The following SLC25A51 variants were observed in gnomAD, a reference collection of about 807,000 sequenced individuals.
The protein encoded by SLC25A51 is solute carrier family 25 member 51, also known as mitochondrial nicotinamide adenine dinucleotide transporter SLC25A51.
Under a neutral mutation model 19.1 loss-of-function variants are expected in SLC25A51, and 11 were observed. The observed-to-expected ratio is 0.58, with a 90% CI of 0.36 to 0.96. The LOEUF (loss-of-function observed/expected upper bound fraction) is 0.96. Ranked by LOEUF, SLC25A51 falls within the 40% of genes least tolerant of loss-of-function variation. The pLI is 0.01. For missense variants in SLC25A51, 201 were observed against 365.4 expected (o/e 0.55, Z 3.67); for synonymous variants, 105 against 133.6 (o/e 0.79, Z 1.47).
chr9:37,902,689 T>G (rs894989670), intron 1 of SLC25A51, among the ~76,000 whole-genome samples: 5 of 152,258 alleles, frequency 3.3e-5, no homozygotes, highest in African/African-American at 1.2e-4. Context: ...TACCATAACT[T>G]TACGCTTGTT....
intron 2 of SLC25A51, among the ~76,000 whole-genome samples, chr9:37,893,521 A>C (rs1831643683): frequency 2.6e-5 from 4 of 152,238 alleles, no homozygotes. Flanking sequence ...GTCAGAGCTC[A>C]AACCTTTCAC....
downstream of SLC25A51, chr9:37,885,875 C>T (rs1355267783): frequency 2.5e-6 from 4 of 1,588,032 alleles, no homozygotes; most frequent in African/African-American, 1.4e-5. Flanking sequence ...TGATGACGTG[C>T]AAACCCCCCC....
downstream of SLC25A51, among the ~76,000 whole-genome samples, chr9:37,885,360 A>C (rs1320015641): frequency 3.0e-4 from 45 of 151,808 alleles, no homozygotes; most frequent in East Asian, 9.6e-4. Flanking sequence ...AAAAAAAAAA[A>C]AAAAAAAACC....
At chr9:37,886,286 C>T (rs527999067), downstream of SLC25A51, 14 of 1,613,692 alleles carry the variant, frequency 8.7e-6, no homozygotes, top group Middle Eastern at 1.7e-4. Context: ...GCTATACCAG[C>T]GGGCCAAGAA....
At chr9:37,886,099 T>A (rs1167018766), downstream of SLC25A51, 1 of 1,498,538 alleles carries the variant, frequency 6.7e-7, no homozygotes, top group East Asian at 2.3e-5. Context: ...GACGCTATAC[T>A]GATGTTAGTA....
chr9:37,900,179 G>A (rs810246), intron 1 of SLC25A51, among the ~76,000 whole-genome samples: 1 of 151,172 alleles, frequency 6.6e-6, no homozygotes, highest in South Asian at 2.1e-4. Flanking sequence ...AGGTGTGGTG[G>A]CTCACGCCTG....
chr9:37,903,717 C>G (rs1244618484), intron 1 of SLC25A51: 1 of 152,310 alleles, frequency 6.6e-6, no homozygotes, highest in African/African-American at 2.4e-5. Context: ...GCGCAGGCAG[C>G]TCCCGGCTCC....
chr9:37,888,733 A>T (rs551401512), intron 2 of SLC25A51, 141 bp from the exon 3 acceptor site: 1 of 707,382 alleles, frequency 1.4e-6, no homozygotes, highest in African/African-American at 1.8e-5. Context: ...GCATTTTCAG[A>T]AGACCCCTGG....
intron 2 of SLC25A51, among the ~76,000 whole-genome samples, chr9:37,898,868 A>G (rs1049912680): frequency 6.6e-6 from 1 of 152,222 alleles, no homozygotes; most frequent in African/African-American, 2.4e-5. Flanking sequence ...CCCACCGCCA[A>G]TAACTCAAGA....
downstream of SLC25A51, among the ~76,000 whole-genome samples, chr9:37,883,208 T>C (rs1000688811): frequency 7.9e-5 from 12 of 152,238 alleles, no homozygotes; most frequent in Non-Finnish European, 1.5e-4. Context: ...TTAGAATCTC[T>C]TATTAACAAC....
Position 37,887,848 on chromosome 9 carries a change from C to T in SLC25A51, c.703G>A (p.Val235Ile), listed in dbSNP as rs1831496651. The change falls in exon 3 of 3, where the codon GTA (valine) becomes ATA (isoleucine). Residue 235 changes from valine (V) to isoleucine (I), a missense_variant. Physicochemically the swap from Val to Ile is conservative, Grantham distance 29. Coordinates refer to ENST00000242275, the MANE Select transcript of SLC25A51 (RefSeq NM_033412.4). ...LGFLFFPINV[V>I]KTRIQSQIGG... is the part of the protein sequence containing the mutation. The stretch of plus-strand genomic sequence containing the variant: ...ATCTGAGACTGTATGCGAGTTTTTA[C>T]AACATTAATTGGAAAAAACAAGAAT... The T allele has an allele frequency of 6.2e-7, 1 of 1,612,422 alleles. No individual in the cohort carries two copies. The highest frequency in any genetic ancestry group is 1.3e-5 in the African/African-American group (1 of 74,836).
chr9:37,897,582 T>G (rs987290290), intron 2 of SLC25A51, among the ~76,000 whole-genome samples: 23 of 151,886 alleles, frequency 1.5e-4, no homozygotes, highest in Non-Finnish European at 2.4e-4. Context: ...TCTTTCTTCT[T>G]ATTGAACTGA....
At chr9:37,902,152 A>G (rs192232331) in intron 1 of SLC25A51, among the ~76,000 whole-genome samples, 1 of 152,360 alleles carries the variant, frequency 6.6e-6, no homozygotes, top group East Asian at 1.9e-4. Flanking sequence ...CCTTGACAGT[A>G]CAAGCCAAGT....
intron 2 of SLC25A51, among the ~76,000 whole-genome samples, chr9:37,896,773 G>A (rs372616726): frequency 6.6e-6 from 1 of 152,204 alleles, no homozygotes; most frequent in Non-Finnish European, 1.5e-5. Flanking sequence ...TCCAGCCTGG[G>A]TGACAAGTGC....
chr9:37,878,949 C>G, downstream of SLC25A51: 1 of 226,740 alleles, frequency 4.4e-6, no homozygotes, highest in Non-Finnish European at 9.0e-6. Flanking sequence ...CAGTGTAACT[C>G]CTGAAGGGTT....
chr9:37,896,963 G>C (rs1369540959), intron 2 of SLC25A51, among the ~76,000 whole-genome samples: 1 of 152,124 alleles, frequency 6.6e-6, no homozygotes, highest in African/African-American at 2.4e-5. Flanking sequence ...AATCATAGAA[G>C]GTATCAAGGC....
In SLC25A51 at chr9:37,899,920, CTTCTT is replaced by C. The variant is rs1831806990; in HGVS notation, c.-139_-135del. ...TTGTTATTGTTCTGTTAGGTTCTCT[CTTCTT>C]GAGTCAATTTTGATAACTGGATTTC... On this transcript the variant is annotated 5_prime_UTR_variant, in exon 2 of 3. It removes the in-frame stop codon of an upstream open reading frame in the 5' UTR. Coordinates refer to ENST00000242275, the MANE Select transcript of SLC25A51 (RefSeq NM_033412.4). 1 of 145,794 alleles carries C rather than the reference CTTCTT, an allele frequency of 6.9e-6. No individual in the cohort carries two copies. The highest frequency in any genetic ancestry group is 2.7e-5 in the African/African-American group (1 of 36,426). The allele number at this position is 145,794 out of a possible 1,614,324, so 9.0% of individuals were successfully genotyped here. A position where few individuals can be genotyped will look rare whatever the true frequency, so the allele number is the denominator to read the frequency against.
chr9:37,894,788 T>G (rs1831677344), intron 2 of SLC25A51, among the ~76,000 whole-genome samples: 1 of 152,132 alleles, frequency 6.6e-6, no homozygotes, highest in African/African-American at 2.4e-5. Context: ...CACCCTCCTA[T>G]GGGCCCCAGT....
intron 2 of SLC25A51, among the ~76,000 whole-genome samples, chr9:37,898,367 C>T (rs1022008824): frequency 2.6e-5 from 4 of 152,184 alleles, no homozygotes; most frequent in African/African-American, 4.8e-5. Flanking sequence ...ACCAGCCTGA[C>T]CAACATGGAG....
Sources: gnomAD v4.1 joint callset for allele counts (sites outside exome capture counted in the v4.1 genomes callset) on GRCh38, gnomAD v4.1.1 for gene constraint, MANE v1.5 for transcripts, NCBI Gene and HGNC (gene_info 2026-07-23, HGNC 2026-07-21) for gene names.